The following CSMD1 variants were observed in gnomAD, a reference collection of about 807,000 sequenced individuals.
The protein encoded by CSMD1 is CUB and Sushi multiple domains 1.
CSMD1 carries 213 observed loss-of-function variants against 417.5 expected under a neutral mutation model. The observed-to-expected ratio is 0.51, with a 90% CI of 0.46 to 0.57. CSMD1 has a LOEUF of 0.57. CSMD1 is among the 20% of genes least tolerant of loss of function. CSMD1 has a pLI of 0.00. For missense variants in CSMD1, 6,923 were observed against 4,529.7 expected (o/e 1.53, Z -15.17); for synonymous variants, 2,862 against 1,736.8 (o/e 1.65, Z -16.11).
At chr8:3,096,255 G>A (rs1239220321) in intron 47 of CSMD1, among the ~76,000 whole-genome samples, 1 of 152,072 alleles carries the variant, frequency 6.6e-6, no homozygotes, top group East Asian at 1.9e-4. Context: ...CAATCCTATG[G>A]TTTGGCTGTG....
At chr8:4,276,125 A>G (rs1335401107) in intron 3 of CSMD1, among the ~76,000 whole-genome samples, 1 of 152,210 alleles carries the variant, frequency 6.6e-6, no homozygotes, top group African/African-American at 2.4e-5. Context: ...TAGTGGGTAT[A>G]TACCCAAAGG....
At chr8:4,768,765 T>G (rs1275802055) in intron 1 of CSMD1, among the ~76,000 whole-genome samples, 1 of 152,174 alleles carries the variant, frequency 6.6e-6, no homozygotes, top group Non-Finnish European at 1.5e-5. Flanking sequence ...CTGGCTTGTT[T>G]ACAGTATAGG....
chr8:4,460,901 T>A (rs7822007), intron 2 of CSMD1, among the ~76,000 whole-genome samples: 13,803 of 152,186 alleles, frequency 0.091, 1,813 homozygotes, highest in African/African-American at 0.29. Flanking sequence ...AGAAGAGGGA[T>A]CACATTCCAA....
chr8:3,999,613 T>C (rs1256861802), intron 4 of CSMD1, among the ~76,000 whole-genome samples: 2 of 152,196 alleles, frequency 1.3e-5, no homozygotes, highest in Non-Finnish European at 2.9e-5. Context: ...ACACGGTTTT[T>C]GTTCCCGGAG....
chr8:4,241,317 T>C (rs1563323665), intron 3 of CSMD1, among the ~76,000 whole-genome samples: 1 of 152,206 alleles, frequency 6.6e-6, no homozygotes, highest in Non-Finnish European at 1.5e-5. Flanking sequence ...CCCTGGAACA[T>C]ATTTCACGCC....
chr8:3,166,593 G>C (rs921304949), intron 37 of CSMD1, among the ~76,000 whole-genome samples: 4 of 152,062 alleles, frequency 2.6e-5, no homozygotes, highest in African/African-American at 9.7e-5. Context: ...CTTTCCTGAA[G>C]TGTTTTAGAA....
At chr8:3,596,814 C>G (rs1284127468) in intron 8 of CSMD1, among the ~76,000 whole-genome samples, 5 of 151,992 alleles carry the variant, frequency 3.3e-5, no homozygotes, top group African/African-American at 1.2e-4. Context: ...ACATGCATAC[C>G]AGTAATCACA....
At chr8:4,908,282 G>A (rs1805432925) in intron 1 of CSMD1, among the ~76,000 whole-genome samples, 1 of 152,042 alleles carries the variant, frequency 6.6e-6, no homozygotes, top group Non-Finnish European at 1.5e-5. Context: ...TTCTTTCAAG[G>A]TTTCCTTTAT....
Position 2,950,307 on chromosome 8 carries a change from T to C in CSMD1, c.10238A>G (p.Lys3413Arg), listed in dbSNP as rs777861665. The C allele has an allele frequency of 1.8e-5, 29 of 1,613,372 alleles. No homozygotes were observed. Among genetic ancestry groups the C allele is most frequent in the Non-Finnish European group, 2.5e-5 (29 of 1,179,462 alleles). ...TGCCTGGCCTTTAATTTGAAAAGCTTTCAGGAGTAAGTGGGCCTCCTCCTT... is the reference window on the plus strand; with the variant it reads ...TGCCTGGCCTTTAATTTGAAAAGCTCTCAGGAGTAAGTGGGCCTCCTCCTT... Reference protein sequence around the residue: ...YKKEEAHLLLKAFQIKGQADI... With the variant: ...YKKEEAHLLLRAFQIKGQADI... Residue 3413 changes from lysine to arginine, a missense_variant, in exon 67 of 70, where the codon AAA (lysine) becomes AGA (arginine). Lys to Arg is a conservative substitution (Grantham distance 26). Transcript: ENST00000635120.
At chr8:3,235,838 A>C (rs1799116563) in intron 26 of CSMD1, among the ~76,000 whole-genome samples, 1 of 151,832 alleles carries the variant, frequency 6.6e-6, no homozygotes, top group African/African-American at 2.4e-5. Context: ...AAACTTGTGA[A>C]GTTCATGTTG....
intron 3 of CSMD1, among the ~76,000 whole-genome samples, chr8:4,296,418 C>G (rs920880041): frequency 9.9e-5 from 15 of 152,088 alleles, no homozygotes; most frequent in African/African-American, 3.4e-4. Context: ...AGGGTTATCA[C>G]AAGAGTGTGA....
intron 1 of CSMD1, among the ~76,000 whole-genome samples, chr8:4,704,749 T>C (rs890155968): frequency 1.3e-5 from 2 of 152,192 alleles, no homozygotes; most frequent in Admixed American, 1.3e-4. Context: ...GTTCTGGATA[T>C]GTGTGAGTTG....
intron 46 of CSMD1, among the ~76,000 whole-genome samples, chr8:3,101,903 G>A (rs993630261): frequency 4.8e-5 from 7 of 145,722 alleles, no homozygotes; most frequent in Non-Finnish European, 1.5e-5. Context: ...CGGGGTTCAA[G>A]CAATTCTCCA....
intron 57 of CSMD1, among the ~76,000 whole-genome samples, chr8:2,969,961 T>C (rs142616152): frequency 7.2e-5 from 11 of 152,328 alleles, no homozygotes; most frequent in Admixed American, 7.2e-4. Flanking sequence ...TGAGGCATGA[T>C]ATATTTGAGA....
chr8:4,661,942 G>A (rs1342579791), intron 1 of CSMD1, among the ~76,000 whole-genome samples: 1 of 152,080 alleles, frequency 6.6e-6, no homozygotes, highest in Non-Finnish European at 1.5e-5. Context: ...TATATTGACA[G>A]TTTCTACATA....
chr8:4,301,753 C>A (rs1226443694), intron 3 of CSMD1, among the ~76,000 whole-genome samples: 2 of 152,150 alleles, frequency 1.3e-5, no homozygotes, highest in Non-Finnish European at 2.9e-5. Context: ...CTATCATGTC[C>A]TGCCTCCTTA....
At chr8:4,128,461 C>T (rs1802895229) in intron 3 of CSMD1, among the ~76,000 whole-genome samples, 1 of 152,164 alleles carries the variant, frequency 6.6e-6, no homozygotes, top group Non-Finnish European at 1.5e-5. Context: ...TATGCCATTC[C>T]ACATGCTCTC....
intron 8 of CSMD1, among the ~76,000 whole-genome samples, chr8:3,600,328 G>T (rs907036505): frequency 3.3e-5 from 5 of 152,192 alleles, no homozygotes; most frequent in Admixed American, 6.5e-5. Context: ...GAAGGGTGGA[G>T]TGGGTGGATT....
At chr8:3,782,092 A>G (rs918183356) in intron 5 of CSMD1, among the ~76,000 whole-genome samples, 1 of 152,152 alleles carries the variant, frequency 6.6e-6, no homozygotes. Flanking sequence ...ATAAACAATA[A>G]AATTTGAGAG....
Sources: gnomAD v4.1 joint callset for allele counts (sites outside exome capture counted in the v4.1 genomes callset) on GRCh38, gnomAD v4.1.1 for gene constraint, MANE v1.5 for transcripts, NCBI Gene and HGNC (gene_info 2026-07-23, HGNC 2026-07-21) for gene names.